FRMPD4: variants seen among roughly 807,000 people sequenced by gnomAD.
The protein encoded by FRMPD4 is FERM and PDZ domain-containing protein 4.
In FRMPD4, 22 loss-of-function variants were observed where a neutral mutation model predicts 94.1. That is an observed-to-expected ratio of 0.23 (90% CI 0.17 to 0.33). FRMPD4 has a LOEUF of 0.33. Among genes scored for constraint, FRMPD4 ranks in the 10% least tolerant of loss-of-function variants. FRMPD4 has a pLI of 1.00. For missense variants in FRMPD4, 1,111 were observed against 1,339.9 expected (o/e 0.83, Z 2.67); for synonymous variants, 631 against 548.6 (o/e 1.15, Z -2.10).
At chrX:12,131,082 A>C (rs764710266) in intron 3 of FRMPD4, among the ~76,000 whole-genome samples, 3 of 111,688 alleles carry the variant, frequency 2.7e-5, no homozygotes, top group Non-Finnish European at 5.6e-5. Context: ...CTACATTGGC[A>C]GACTTTTGGT....
intron 1 of FRMPD4, among the ~76,000 whole-genome samples, chrX:11,854,755 G>T (rs2053644565): frequency 8.9e-6 from 1 of 112,657 alleles, no homozygotes; most frequent in Non-Finnish European, 1.9e-5. Context: ...TGGCTTTGCA[G>T]GGTACAGCTC....
intron 6 of FRMPD4, among the ~76,000 whole-genome samples, chrX:12,685,845 C>T (rs1014387311): frequency 2.7e-5 from 3 of 111,716 alleles, no homozygotes; most frequent in African/African-American, 9.8e-5. Flanking sequence ...AAAAGAATCA[C>T]GTCTGCAATC....
At chrX:12,513,765 T>C (rs892421874) in intron 2 of FRMPD4, among the ~76,000 whole-genome samples, 1 of 112,047 alleles carries the variant, frequency 8.9e-6, no homozygotes, top group Non-Finnish European at 1.9e-5. Flanking sequence ...ATGTCAATGG[T>C]AGTTCAATGG....
chrX:12,479,441 T>C (rs1362434246), intron 1 of FRMPD4, among the ~76,000 whole-genome samples: 27 of 100,782 alleles, frequency 2.7e-4, no homozygotes, highest in African/African-American at 8.6e-4. Context: ...TATACACACA[T>C]ATATGTATAT....
At chrX:11,932,819 T>C in intron 3 of FRMPD4, among the ~76,000 whole-genome samples, 1 of 111,644 alleles carries the variant, frequency 9.0e-6, no homozygotes, top group Non-Finnish European at 1.9e-5. Context: ...CCTGATTCCA[T>C]TCAGACGCCT....
intron 3 of FRMPD4, among the ~76,000 whole-genome samples, chrX:12,027,683 A>G (rs1425930093): frequency 1.8e-5 from 2 of 112,498 alleles, no homozygotes; most frequent in East Asian, 2.8e-4. Flanking sequence ...GCAGTTATTG[A>G]CATCGAATGA....
intron 3 of FRMPD4, among the ~76,000 whole-genome samples, chrX:12,047,624 A>G (rs1336358644): frequency 9.0e-6 from 1 of 111,571 alleles, no homozygotes; most frequent in East Asian, 2.8e-4. Context: ...GCATAGTACC[A>G]ACAGTTTTTC....
At chrX:11,975,504 G>A (rs571512181) in intron 3 of FRMPD4, among the ~76,000 whole-genome samples, 3 of 112,233 alleles carry the variant, frequency 2.7e-5, no homozygotes, top group African/African-American at 9.7e-5. Context: ...ATATAACTAC[G>A]GGGAGTAGAA....
At chrX:12,645,967 C>T (rs1361131836) in intron 4 of FRMPD4, among the ~76,000 whole-genome samples, 1 of 111,741 alleles carries the variant, frequency 8.9e-6, no homozygotes, top group Non-Finnish European at 1.9e-5. Context: ...CGATCTCCAC[C>T]AACCCTGTTC....
intron 1 of FRMPD4, among the ~76,000 whole-genome samples, chrX:12,142,953 C>T (rs1430947582): frequency 8.9e-6 from 1 of 112,189 alleles, no homozygotes; most frequent in Admixed American, 9.5e-5. Flanking sequence ...TCCCCCTTTA[C>T]ATACACATAC....
At chrX:12,063,480 A>G (rs1235914187) in intron 3 of FRMPD4, among the ~76,000 whole-genome samples, 1 of 113,308 alleles carries the variant, frequency 8.8e-6, no homozygotes, top group African/African-American at 3.2e-5. Flanking sequence ...TATCTACTGA[A>G]AAGATAATAA....
At chrX:12,229,471 T>A (rs888173783) in intron 1 of FRMPD4, among the ~76,000 whole-genome samples, 1 of 111,910 alleles carries the variant, frequency 8.9e-6, no homozygotes, top group Non-Finnish European at 1.9e-5. Context: ...TTCTTACCCT[T>A]CCTACCCTTG....
chrX:12,271,166 C>T (rs1276248993), intron 1 of FRMPD4, among the ~76,000 whole-genome samples: 3 of 112,059 alleles, frequency 2.7e-5, no homozygotes, highest in Non-Finnish European at 5.6e-5. Flanking sequence ...CTCTGTTAAT[C>T]AGTGAGACTA....
At chrX:12,453,605 T>TAA (rs2057298325) in intron 1 of FRMPD4, among the ~76,000 whole-genome samples, 1 of 111,648 alleles carries the variant, frequency 9.0e-6, no homozygotes, top group Non-Finnish European at 1.9e-5. Flanking sequence ...TCAAGGACCA[T>TAA]AAAGCTGGTT....
In FRMPD4 at chrX:12,140,967, C is replaced by A. The variant is rs185228421; in HGVS notation, c.41+1955C>A. Among the ~76,000 whole-genome samples the A allele has an allele frequency of 4.5e-5, 5 of 112,024 alleles. No individual in the cohort carries two copies. In the East Asian group the frequency reaches 1.4e-3, roughly 31 times the overall value. On this transcript the variant is annotated intron_variant, in intron 1 of 16. Coordinates refer to ENST00000675598, the MANE Select transcript of FRMPD4 (RefSeq NM_001368397.1). Reference sequence around the variant, plus strand: ...TGAGCTGATGTGCCGATTAAGAAATCTTCCATCCATAGAATTCTTCTTTTT... The same window carrying A: ...TGAGCTGATGTGCCGATTAAGAAATATTCCATCCATAGAATTCTTCTTTTT...
intron 3 of FRMPD4, among the ~76,000 whole-genome samples, chrX:12,114,333 G>A (rs912103336): frequency 1.8e-5 from 2 of 110,446 alleles, no homozygotes; most frequent in Non-Finnish European, 3.8e-5. Flanking sequence ...TAGGATTTCT[G>A]TCGTTTTAGC....
intron 2 of FRMPD4, chrX:12,583,435 C>T (rs2058889195): frequency 1.7e-6 from 2 of 1,198,239 alleles, no homozygotes; most frequent in Non-Finnish European, 2.3e-6. Flanking sequence ...TTCCAGCAGC[C>T]GCGTCTGGAC....
chrX:12,346,190 G>A (rs967092940), intron 1 of FRMPD4, among the ~76,000 whole-genome samples: 1 of 110,019 alleles, frequency 9.1e-6, no homozygotes, highest in African/African-American at 3.3e-5. Flanking sequence ...CAAGCTGATG[G>A]TTAATAGGAA....
Position 12,441,983 on chromosome X carries a change from C to T in FRMPD4, c.42-56697C>T, listed in dbSNP as rs187478955. Among the ~76,000 whole-genome samples the T allele has an allele frequency of 9.6e-3, 1,023 of 107,116 alleles. 7 individuals are homozygous for T. Among genetic ancestry groups the T allele is most frequent in the African/African-American group, 0.03 (812 of 26,625 alleles). 93.0% of individuals were successfully genotyped at this position (107,116 alleles called of 115,157 possible). ...GTTTCCAAGCACAGTGTAATGAGCT[C>T]CTTTCAGAGAGGCACAGCTTTCTAG... On this transcript the variant is annotated intron_variant, in intron 1 of 16. Coordinates refer to ENST00000675598, the MANE Select transcript of FRMPD4 (RefSeq NM_001368397.1).
Sources: gnomAD v4.1 joint callset for allele counts (sites outside exome capture counted in the v4.1 genomes callset) on GRCh38, gnomAD v4.1.1 for gene constraint, MANE v1.5 for transcripts, NCBI Gene and HGNC (gene_info 2026-07-23, HGNC 2026-07-21) for gene names.